SEMA3C: variants seen among roughly 807,000 people sequenced by gnomAD.
SEMA3C encodes the protein semaphorin-3C.
Under a neutral mutation model 89.4 loss-of-function variants are expected in SEMA3C, and 47 were observed. The ratio of observed to expected loss-of-function variants is 0.53; its 90% CI spans 0.42 to 0.67. The LOEUF (loss-of-function observed/expected upper bound fraction) is 0.67, where lower values mean the gene tolerates loss of function less well. Among genes scored for constraint, SEMA3C ranks in the 30% least tolerant of loss-of-function variants. The pLI is 0.00. For missense variants in SEMA3C, 839 were observed against 929.1 expected (o/e 0.90, Z 1.26); for synonymous variants, 310 against 320.2 (o/e 0.97, Z 0.34).
intron 16 of SEMA3C, among the ~76,000 whole-genome samples, chr7:80,750,503 TACACAC>T (rs1281284786): frequency 1.3e-5 from 1 of 76,008 alleles, no homozygotes; most frequent in East Asian, 3.1e-4. Context: ...CACACACACA[TACACAC>T]ACACACATTA....
At chr7:80,856,645 C>A (rs1790649302) in intron 2 of SEMA3C, among the ~76,000 whole-genome samples, 1 of 148,902 alleles carries the variant, frequency 6.7e-6, no homozygotes, top group Non-Finnish European at 1.5e-5. Context: ...AACAAATGAG[C>A]TTTGCGAATA....
chr7:80,755,706 A>G (rs1271417841), intron 15 of SEMA3C, among the ~76,000 whole-genome samples: 1 of 152,120 alleles, frequency 6.6e-6, no homozygotes, highest in African/African-American at 2.4e-5. Context: ...CACCTTACTA[A>G]GAGCTATGCT....
intron 5 of SEMA3C, among the ~76,000 whole-genome samples, chr7:80,817,263 T>TA (rs1433296532): frequency 1.3e-5 from 2 of 152,098 alleles, no homozygotes; most frequent in Non-Finnish European, 2.9e-5. Context: ...AAAAACAACT[T>TA]AAAAAAACAT....
chr7:80,804,094 A>T lies in SEMA3C; in HGVS notation c.801+12T>A. ...TGGTCTTTCTTCAAATCGGAACAGC[A>T]TTAATACTTACAGGACATATTCGAG... On this transcript the variant is annotated intron_variant, in intron 8 of 17. Transcript: ENST00000265361. The T allele has an allele frequency of 6.2e-7, 1 of 1,603,316 alleles. No homozygotes were observed. Among genetic ancestry groups the T allele is most frequent in the Non-Finnish European group, 8.5e-7 (1 of 1,174,780 alleles).
At chr7:80,863,208 G>A in intron 2 of SEMA3C, among the ~76,000 whole-genome samples, 1 of 150,006 alleles carries the variant, frequency 6.7e-6, no homozygotes, top group East Asian at 2.0e-4. Flanking sequence ...CTCCAGCCTG[G>A]TGACAGAGCG....
Position 80,800,918 on chromosome 7 carries a change from A to C in SEMA3C, c.917-92T>G. On this transcript the variant is annotated intron_variant, in intron 9 of 17. Coordinates refer to ENST00000265361, the MANE Select transcript of SEMA3C (RefSeq NM_006379.5). ...CTAAGAAAATAATTTCAACTCTGAAAAGTACTCTGCAAAAAGATATTCCTG... is the reference window on the plus strand; with the variant it reads ...CTAAGAAAATAATTTCAACTCTGAACAGTACTCTGCAAAAAGATATTCCTG... 3 of 709,120 alleles carry C rather than the reference A, an allele frequency of 4.2e-6. 1 individual carries two copies. The highest frequency in any genetic ancestry group is 6.9e-6 in the Non-Finnish European group (3 of 436,750). 43.9% of individuals were successfully genotyped at this position (709,120 alleles called of 1,614,324 possible).
At position 80,886,283 on chromosome 7, in the gene SEMA3C, T is replaced by C. The variant is rs187290910; in HGVS notation, c.103+30396A>G. Among the ~76,000 whole-genome samples the C allele has an allele frequency of 7.9e-5, 12 of 152,206 alleles. No homozygotes were observed. In the East Asian group the frequency reaches 2.3e-3, roughly 29 times the overall value. ...TGGTATAATAAATATATACCATATA[T>C]GCAGTATGTATTCATATATCTGTGC... On this transcript the variant is annotated intron_variant, in intron 2 of 17. Coordinates refer to ENST00000265361, the MANE Select transcript of SEMA3C (RefSeq NM_006379.5).
chr7:80,839,269 T>C (rs1790209088), intron 2 of SEMA3C, among the ~76,000 whole-genome samples: 1 of 152,148 alleles, frequency 6.6e-6, no homozygotes, highest in South Asian at 2.1e-4. Context: ...ACTTGAGATA[T>C]AAACAAGGCA....
chr7:80,819,420 T>C (rs1789692204), intron 4 of SEMA3C, among the ~76,000 whole-genome samples: 3 of 152,196 alleles, frequency 2.0e-5, no homozygotes. Context: ...TTCCTTAAGT[T>C]TTCCTTAAAA....
chr7:80,851,391 C>T (rs912987189), intron 2 of SEMA3C, among the ~76,000 whole-genome samples: 1 of 150,808 alleles, frequency 6.6e-6, no homozygotes, highest in Non-Finnish European at 1.5e-5. Context: ...ATAATCCCAG[C>T]TACTCAGGAG....
chr7:80,859,163 G>A lies in SEMA3C; in HGVS notation c.104-30418C>T, dbSNP rs186891853. Among the ~76,000 whole-genome samples, 652 of 152,166 alleles carry A rather than the reference G, an allele frequency of 4.3e-3. 8 individuals are homozygous for A. The highest frequency in any genetic ancestry group is 0.018 in the Admixed American group (270 of 15,266). ...AAAAGAACGGTGTGTGTGTGTATGT[G>A]TGTTTGTGTGTGTGTAGGTGCAAAG... is the stretch of plus-strand genomic sequence containing the variant. On this transcript the variant is annotated intron_variant, in intron 2 of 17. Coordinates refer to ENST00000265361, the MANE Select transcript of SEMA3C (RefSeq NM_006379.5).
intron 2 of SEMA3C, among the ~76,000 whole-genome samples, chr7:80,857,050 G>A (rs923289521): frequency 6.6e-5 from 10 of 152,170 alleles, no homozygotes; most frequent in African/African-American, 1.7e-4. Flanking sequence ...CATAATGGGA[G>A]GACCAGTCAC....
At chr7:80,840,259 C>T (rs1210806857) in intron 2 of SEMA3C, among the ~76,000 whole-genome samples, 1 of 151,982 alleles carries the variant, frequency 6.6e-6, no homozygotes, top group South Asian at 2.1e-4. Context: ...GTAGCTCATG[C>T]CTGTAATCCG....
chr7:80,876,554 T>C (rs1329043871), intron 2 of SEMA3C, among the ~76,000 whole-genome samples: 1 of 152,196 alleles, frequency 6.6e-6, no homozygotes, highest in African/African-American at 2.4e-5. Context: ...TACTGAGTTG[T>C]TTTAGAGATT....
intron 12 of SEMA3C, among the ~76,000 whole-genome samples, chr7:80,782,566 T>A (rs902967386): frequency 2.0e-5 from 3 of 152,196 alleles, no homozygotes; most frequent in Non-Finnish European, 4.4e-5. Context: ...GAATAAATGC[T>A]CAATATATGA....
At chr7:80,810,970 A>C (rs1430421861) in intron 5 of SEMA3C, among the ~76,000 whole-genome samples, 2 of 152,178 alleles carry the variant, frequency 1.3e-5, no homozygotes, top group African/African-American at 4.8e-5. Context: ...CAACATCAGC[A>C]AAAATCACTT....
At chr7:80,761,543 G>T in intron 14 of SEMA3C, 73 bp downstream of exon 14, 2 of 821,282 alleles carry the variant, frequency 2.4e-6, no homozygotes, top group Non-Finnish European at 3.8e-6. Flanking sequence ...TTATTCAGAA[G>T]TTATAAAATA....
At chr7:80,770,124 G>A (rs1388995875) in intron 12 of SEMA3C, among the ~76,000 whole-genome samples, 1 of 152,092 alleles carries the variant, frequency 6.6e-6, no homozygotes, top group Non-Finnish European at 1.5e-5. Flanking sequence ...AGTGAGTTGG[G>A]CAGTATGGAT....
At position 80,896,468 on chromosome 7, in the gene SEMA3C, A is replaced by G. The variant is rs530272750; in HGVS notation, c.103+20211T>C. On this transcript the variant is annotated intron_variant, in intron 2 of 17. Coordinates refer to ENST00000265361, the MANE Select transcript of SEMA3C (RefSeq NM_006379.5). ...AAAAGTTATATCTCAGATTACCTTTAAAGAGAATGCATTAGATATATGCAG... is the reference window on the plus strand; with the variant it reads ...AAAAGTTATATCTCAGATTACCTTTGAAGAGAATGCATTAGATATATGCAG... Among the ~76,000 whole-genome samples the G allele has an allele frequency of 7.2e-5, 11 of 152,340 alleles. No homozygotes were observed. In the South Asian group the frequency reaches 2.3e-3, roughly 32 times the overall value.
Sources: allele counts gnomAD v4.1 joint callset (sites outside exome capture counted in the v4.1 genomes callset), GRCh38; gene constraint gnomAD v4.1.1; transcripts MANE v1.5; gene names NCBI Gene and HGNC (gene_info 2026-07-23, HGNC 2026-07-21).